NPAS2: variants seen among roughly 807,000 people sequenced by gnomAD.
The protein encoded by NPAS2 is neuronal PAS domain protein 2, also known as neuronal PAS domain-containing protein 2.
A neutral mutation model predicts 107.5 loss-of-function variants in NPAS2; 23 were observed. The observed-to-expected ratio is 0.21, with a 90% CI of 0.15 to 0.30. The LOEUF (loss-of-function observed/expected upper bound fraction) is 0.30. NPAS2 is among the 10% of genes least tolerant of loss of function. The pLI, the probability that NPAS2 is intolerant of heterozygous loss-of-function variation, is 1.00. For synonymous variants in NPAS2, 403 were observed against 417.5 expected, an observed-to-expected ratio of 0.97 and a Z score of 0.42; for missense variants, 756 against 1,043.3, an observed-to-expected ratio of 0.72 and a Z score of 3.79.
rs1558836944 is a variant in NPAS2 at position 100,882,425 on chromosome 2, CAG to C, written c.-22-22307_-22-22306del. Among the ~76,000 whole-genome samples the C allele has an allele frequency of 8.0e-3, 1,216 of 152,250 alleles. 9 individuals are homozygous for C. The highest frequency in any genetic ancestry group is 0.026 in the African/African-American group (1,099 of 41,538). On this transcript the variant is annotated intron_variant, in intron 1 of 20. Transcript: ENST00000335681. ...GAGTTCGAGACCATCCTGGCTAACA[CAG>C]TGAAACCCCATCTCTACTAAAAATA...
chr2:100,979,502 A>ATATATTTTTT (rs1403246843), intron 15 of NPAS2, among the ~76,000 whole-genome samples: 1 of 43,316 alleles, frequency 2.3e-5, no homozygotes, highest in African/African-American at 9.9e-5. Flanking sequence ...ATATATATAT[A>ATATATTTTTT]TTTTTTTTTT....
At chr2:100,980,724 G>A (rs1677384055) in intron 15 of NPAS2, among the ~76,000 whole-genome samples, 1 of 152,138 alleles carries the variant, frequency 6.6e-6, no homozygotes, top group African/African-American at 2.4e-5. Context: ...GCCCACCTCG[G>A]CCTCTCAAAG....
At chr2:100,850,198 C>T (rs1371778147) in intron 1 of NPAS2, among the ~76,000 whole-genome samples, 1 of 151,998 alleles carries the variant, frequency 6.6e-6, no homozygotes, top group East Asian at 1.9e-4. Flanking sequence ...GAGGAATTTG[C>T]AGAAAAGAAT....
chr2:100,826,580 A>G (rs1264091371), intron 1 of NPAS2, among the ~76,000 whole-genome samples: 1 of 152,268 alleles, frequency 6.6e-6, no homozygotes, highest in Non-Finnish European at 1.5e-5. Flanking sequence ...ATTATTCAGA[A>G]GTACAAATAG....
At position 100,973,178 on chromosome 2, in the gene NPAS2, C is replaced by CA. The variant is rs1218358583; in HGVS notation, c.1141-1611dup. On this transcript the variant is annotated intron_variant, in intron 12 of 20. Transcript: ENST00000335681. The stretch of plus-strand genomic sequence containing the variant: ...TGGGCAACAGAGCGAGACTCCGTCT[C>CA]AAAAAAAAAAAAAATACAAACACAA... Among the ~76,000 whole-genome samples, 420 of 125,404 alleles carry CA rather than the reference C, an allele frequency of 3.3e-3. 3 individuals are homozygous for CA. The highest frequency in any genetic ancestry group is 9.0e-3 in the Middle Eastern group (2 of 222). 82.3% of individuals were successfully genotyped at this position (125,404 alleles called of 152,430 possible).
intron 2 of NPAS2, among the ~76,000 whole-genome samples, chr2:100,910,965 T>C (rs1251014044): frequency 6.6e-6 from 1 of 152,194 alleles, no homozygotes; most frequent in Non-Finnish European, 1.5e-5. Context: ...ACTCTAAGCC[T>C]GGGCACAGGA....
chr2:100,982,449 A>G, intron 16 of NPAS2, 72 bp downstream of exon 16: 2 of 1,558,790 alleles, frequency 1.3e-6, no homozygotes, highest in South Asian at 2.3e-5. Context: ...ATTTCCGGGC[A>G]GCCAGGACTT....
Position 100,933,017 on chromosome 2 carries a change from A to C in NPAS2, c.273+16A>C. 6.3e-7 allele frequency: 1 copy of C among 1,576,894 alleles called. No individual in the cohort carries two copies. On this transcript the variant is annotated intron_variant, in intron 4 of 20. Coordinates refer to ENST00000335681, the MANE Select transcript of NPAS2 (RefSeq NM_002518.4). ...GATGTTGGAGGTGAAATGCACTTTC[A>C]AAATAGCTTAAACAGTTGCCAGTTA...
intron 4 of NPAS2, among the ~76,000 whole-genome samples, chr2:100,934,314 C>CTTT (rs11380504): frequency 6.8e-6 from 1 of 147,382 alleles, no homozygotes. Flanking sequence ...GTAGCACAAC[C>CTTT]TTTTTTTTTT....
intron 1 of NPAS2, among the ~76,000 whole-genome samples, chr2:100,885,852 AG>A (rs1680666447): frequency 6.6e-6 from 1 of 152,084 alleles, no homozygotes; most frequent in Non-Finnish European, 1.5e-5. Flanking sequence ...TAGTAGAGAC[AG>A]CCTAGCCATG....
chr2:100,877,445 C>CAAAAA lies in NPAS2; in HGVS notation c.-22-27270_-22-27266dup, dbSNP rs72050213. On this transcript the variant is annotated intron_variant, in intron 1 of 20. Transcript: ENST00000335681. ...GCGCCACTAGAGTGAGACTCCGTCTCAAAAAAAAAAAAAAAAAAAAAAGAA... is the reference window on the plus strand; with the variant it reads ...GCGCCACTAGAGTGAGACTCCGTCTCAAAAAAAAAAAAAAAAAAAAAAAAAAAGAA... Among the ~76,000 whole-genome samples, 51 of 81,020 alleles carry CAAAAA rather than the reference C, an allele frequency of 6.3e-4. 1 individual carries two copies. The highest frequency in any genetic ancestry group is 1.3e-3 in the East Asian group (3 of 2,350). The allele number at this position is 81,020 out of a possible 152,430, so 53.2% of individuals were successfully genotyped here. A position where few individuals can be genotyped will look rare whatever the true frequency, so the allele number is the denominator to read the frequency against.
At chr2:100,887,747 C>T (rs1680801071) in intron 1 of NPAS2, among the ~76,000 whole-genome samples, 1 of 151,188 alleles carries the variant, frequency 6.6e-6, no homozygotes, top group Non-Finnish European at 1.5e-5. Flanking sequence ...GGTCCCCTGT[C>T]TGCCATCCAC....
chr2:100,969,465 G>A (rs963342119), intron 11 of NPAS2, among the ~76,000 whole-genome samples: 1 of 152,126 alleles, frequency 6.6e-6, no homozygotes, highest in Non-Finnish European at 1.5e-5. Flanking sequence ...TTGGTTTTCT[G>A]TTCCTGTGTT....
rs145369414 is a variant in NPAS2 at position 100,911,015 on chromosome 2, G to A, written c.32+6229G>A. 2.4e-3 allele frequency among the ~76,000 whole-genome samples: 367 copies of A among 152,248 alleles called. 2 individuals are homozygous for A. Among genetic ancestry groups the A allele is most frequent in the East Asian group, 9.6e-3 (50 of 5,184 alleles). ...CCTTATATGGACCTTGATTTATGCC[G>A]AAGTTACCCAAAATGTATTATGGAG... On this transcript the variant is annotated intron_variant, in intron 2 of 20. Transcript: ENST00000335681.
chr2:100,985,881 G>T (rs1677748699), intron 16 of NPAS2: 1 of 152,078 alleles, frequency 6.6e-6, no homozygotes, highest in Admixed American at 6.6e-5. Flanking sequence ...GCTAAGATAG[G>T]TCTGCTTTAA....
At chr2:100,897,235 G>A (rs1047514528) in intron 1 of NPAS2, among the ~76,000 whole-genome samples, 4 of 151,970 alleles carry the variant, frequency 2.6e-5, no homozygotes, top group African/African-American at 9.7e-5. Flanking sequence ...AATTCAAGAT[G>A]AGATTTCAGT....
chr2:100,981,264 G>C (rs1677419163), intron 15 of NPAS2, among the ~76,000 whole-genome samples: 1 of 152,130 alleles, frequency 6.6e-6, no homozygotes, highest in South Asian at 2.1e-4. Context: ...TAGGGAGATT[G>C]TTGGGCTAGA....
chr2:100,982,730 T>C (rs2105283839), intron 16 of NPAS2: 1 of 230,488 alleles, frequency 4.3e-6, no homozygotes, highest in South Asian at 8.7e-5. Flanking sequence ...ATAACTTTGC[T>C]TTCCTAGCTC....
intron 4 of NPAS2, among the ~76,000 whole-genome samples, chr2:100,935,569 C>G (rs963510692): frequency 4.6e-5 from 7 of 152,156 alleles, no homozygotes; most frequent in African/African-American, 1.4e-4. Context: ...TGCCAATGAG[C>G]TGATGAAAGT....
Sources: gnomAD v4.1 joint callset for allele counts (sites outside exome capture counted in the v4.1 genomes callset) on GRCh38, gnomAD v4.1.1 for gene constraint, MANE v1.5 for transcripts, NCBI Gene and HGNC (gene_info 2026-07-23, HGNC 2026-07-21) for gene names.